NCOR2: variants seen among roughly 807,000 people sequenced by gnomAD.
NCOR2 encodes the protein CTG repeat protein 26.
A neutral mutation model predicts 262.9 loss-of-function variants in NCOR2; 81 were observed. The observed-to-expected ratio is 0.31, with a 90% CI of 0.26 to 0.37. The LOEUF (loss-of-function observed/expected upper bound fraction) is 0.37, where lower values mean the gene tolerates loss of function less well. NCOR2 is among the 10% of genes least tolerant of loss of function. The probability of loss-of-function intolerance (pLI) is 1.00; values close to 1 mark genes in which losing one functional copy is unlikely to be tolerated. For missense variants in NCOR2, 3,385 were observed against 3,621.4 expected (o/e 0.93, Z 1.68); for synonymous variants, 1,659 against 1,559.3 (o/e 1.06, Z -1.51).
chr12:124,535,750 G>A (rs1199009693), upstream of NCOR2: 1 of 152,246 alleles, frequency 6.6e-6, no homozygotes, highest in African/African-American at 2.4e-5. Context: ...ATTTCTCCAT[G>A]AGAACCCTGT....
chr12:124,540,443 AG>A, upstream of NCOR2, among the ~76,000 whole-genome samples: 1 of 61,976 alleles, frequency 1.6e-5, no homozygotes, highest in Non-Finnish European at 3.0e-5. Flanking sequence ...TGGGGAGTAG[AG>A]CTGGAGGGGG....
At chr12:124,484,974 A>T (rs2047699776) in intron 2 of NCOR2, among the ~76,000 whole-genome samples, 1 of 152,156 alleles carries the variant, frequency 6.6e-6, no homozygotes, top group South Asian at 2.1e-4. Context: ...GGAGCGGGGC[A>T]GCCACCCCTC....
Position 124,501,060 on chromosome 12 carries a change from GCGCA to G in NCOR2, c.-117-5696_-117-5693del, listed in dbSNP as rs1555232701. Among the ~76,000 whole-genome samples the G allele has an allele frequency of 4.5e-3, 218 of 48,816 alleles. 2 individuals carry two copies. Among genetic ancestry groups the G allele is most frequent in the African/African-American group, 0.012 (196 of 16,908 alleles). The allele number at this position is 48,816 out of a possible 152,430, so 32.0% of individuals were successfully genotyped here. A position where few individuals can be genotyped will look rare whatever the true frequency, so the allele number is the denominator to read the frequency against. ...CCACGGCACGAGCGCGCGCGCACGC[GCGCA>G]CACACACACACACACACACACACAC... On this transcript the variant is annotated intron_variant, in intron 1 of 46. Transcript: ENST00000404621.
chr12:124,402,373 G>A lies in NCOR2; in HGVS notation c.1640+31C>T, dbSNP rs190656568. 764 of 1,611,446 alleles carry A rather than the reference G, an allele frequency of 4.7e-4. 1 individual carries two copies. In the Middle Eastern group the frequency reaches 7.7e-3, roughly 16 times the overall value. On this transcript the variant is annotated intron_variant, in intron 14 of 46. Coordinates refer to ENST00000405201, the Ensembl canonical transcript of NCOR2. ...TGCCACCCGGGTTGGGTCAGCGGCCGGGCCCTGCAGGGGACAGCAGGCTGC... is the reference window on the plus strand; with the variant it reads ...TGCCACCCGGGTTGGGTCAGCGGCCAGGCCCTGCAGGGGACAGCAGGCTGC...
rs746155327 is a variant in NCOR2, at chr12:124,443,219, C to G, written c.816-5223G>C. ...TGCTGTCACTGCAGCTGGAAAACGA[C>G]TCGGTGAGCATGAGGCCTCGGGGTG... On this transcript the variant is annotated intron_variant, in intron 7 of 46. Coordinates refer to ENST00000405201, the Ensembl canonical transcript of NCOR2. The surrounding 1 kb of genome is among the most constrained non-coding windows in gnomAD (Gnocchi z 4.4). Among the ~76,000 whole-genome samples the G allele has an allele frequency of 3.9e-5, 6 of 152,230 alleles. No homozygotes were observed. The highest frequency in any genetic ancestry group is 7.3e-5 in the Non-Finnish European group (5 of 68,044).
In NCOR2 at chr12:124,433,889, C is replaced by CAA. The variant is rs1253802086; in HGVS notation, c.883-3103_883-3102insTT. On this transcript the variant is annotated intron_variant, in intron 8 of 46. Coordinates refer to ENST00000405201, the Ensembl canonical transcript of NCOR2. Reference sequence around the variant, plus strand: ...ACACACACACACACACACACACACACACACACACACGCACACACACACACA... The same window carrying CAA: ...ACACACACACACACACACACACACACAAACACACACACGCACACACACACACA... 7.6e-3 allele frequency among the ~76,000 whole-genome samples: 939 copies of CAA among 123,226 alleles called. 59 individuals are homozygous for CAA. Among genetic ancestry groups the CAA allele is most frequent in the African/African-American group, 0.01 (256 of 24,658 alleles). 80.8% of individuals were successfully genotyped at this position (123,226 alleles called of 152,430 possible).
chr12:124,340,385 G>A, exon 36 of NCOR2: 1 of 1,613,088 alleles, frequency 6.2e-7, no homozygotes, highest in Non-Finnish European at 8.5e-7. Context: ...CTCGATCCCG[G>A]TCTCGCTCCC....
At chr12:124,393,509 G>C (rs1200319795) in intron 16 of NCOR2, among the ~76,000 whole-genome samples, 1 of 152,226 alleles carries the variant, frequency 6.6e-6, no homozygotes, top group Non-Finnish European at 1.5e-5. Context: ...CAGGCTCCCG[G>C]TGGCCCCTCT....
intron 22 of NCOR2, among the ~76,000 whole-genome samples, chr12:124,357,038 G>C (rs550158141): frequency 6.6e-6 from 1 of 152,224 alleles, no homozygotes; most frequent in Non-Finnish European, 1.5e-5. Context: ...GGACGAGAAC[G>C]GGACCCTCTG....
intron 1 of NCOR2, among the ~76,000 whole-genome samples, chr12:124,545,118 C>T (rs983169205): frequency 6.6e-6 from 1 of 152,128 alleles, no homozygotes; most frequent in Admixed American, 6.5e-5. Flanking sequence ...ACCAGGCCAC[C>T]TCCCCAGGGC....
At chr12:124,498,118 G>A (rs2048472936), upstream of NCOR2, among the ~76,000 whole-genome samples, 1 of 152,204 alleles carries the variant, frequency 6.6e-6, no homozygotes, top group Non-Finnish European at 1.5e-5. Context: ...CCCGAGGTCT[G>A]CCCCTCTTTC....
chr12:124,518,445 G>A (rs1025446851), intron 1 of NCOR2, among the ~76,000 whole-genome samples: 2 of 152,186 alleles, frequency 1.3e-5, no homozygotes, highest in African/African-American at 4.8e-5. Flanking sequence ...CTCCCAGCCC[G>A]ATGCCCCCCA....
Position 124,432,790 on chromosome 12 carries a change from G to A in NCOR2, c.883-2003C>T, listed in dbSNP as rs1161970827. ...GCCTGCTGCATGTCCTTTGAGAAGA[G>A]ATCCCCAATCAGCCCAGAGCATAGC... On this transcript the variant is annotated intron_variant, in intron 8 of 46. Transcript: ENST00000405201. The surrounding 1 kb of genome is among the most constrained non-coding windows in gnomAD (Gnocchi z 5.1). 7.0e-6 allele frequency among the ~76,000 whole-genome samples: 1 copy of A among 143,512 alleles called. No individual in the cohort carries two copies. Among genetic ancestry groups the A allele is most frequent in the Non-Finnish European group, 1.5e-5 (1 of 66,712 alleles). The allele number at this position is 143,512 out of a possible 152,430, so 94.1% of individuals were successfully genotyped here. A position where few individuals can be genotyped will look rare whatever the true frequency, so the allele number is the denominator to read the frequency against.
intron 20 of NCOR2, among the ~76,000 whole-genome samples, chr12:124,365,071 G>A (rs564527357): frequency 1.4e-5 from 2 of 143,796 alleles, no homozygotes; most frequent in Admixed American, 6.9e-5. Flanking sequence ...CCCGGCCTAC[G>A]TTTGGGGGTA....
At chr12:124,520,338 C>T (rs1425274320) in intron 1 of NCOR2, among the ~76,000 whole-genome samples, 2 of 152,244 alleles carry the variant, frequency 1.3e-5, no homozygotes, top group Non-Finnish European at 2.9e-5. Flanking sequence ...CCATGACACC[C>T]AGGCCAAACT....
chr12:124,501,043 C>T (rs1351327389), intron 1 of NCOR2, among the ~76,000 whole-genome samples: 6 of 34,944 alleles, frequency 1.7e-4, no homozygotes, highest in Non-Finnish European at 4.5e-4. Context: ...GCCCACGGCA[C>T]GAGCGCGCGC....
upstream of NCOR2, among the ~76,000 whole-genome samples, chr12:124,536,376 C>G (rs57858812): frequency 0.026 from 3,899 of 152,254 alleles, 174 homozygotes; most frequent in African/African-American, 0.089. Context: ...CTGTGCCCAG[C>G]CTCATTTAAG....
chr12:124,388,985 C>T (rs949641109), intron 16 of NCOR2: 12 of 503,226 alleles, frequency 2.4e-5, no homozygotes, highest in Non-Finnish European at 3.1e-5. Context: ...CCTGTGGTGG[C>T]CCGGGGCTCC....
At chr12:124,325,483 G>A (rs765551355) in exon 47 of NCOR2, 26 of 1,363,760 alleles carry the variant, frequency 1.9e-5, no homozygotes, top group South Asian at 1.3e-4. Context: ...GGGGGCCAGC[G>A]AGGGGCCCGC....
Sources: allele counts gnomAD v4.1 joint callset (sites outside exome capture counted in the v4.1 genomes callset), GRCh38; gene constraint gnomAD v4.1.1; non-coding constraint Gnocchi (gnomAD v3.1); transcripts MANE v1.5; gene names NCBI Gene and HGNC (gene_info 2026-07-23, HGNC 2026-07-21).